SLC26A9: variants seen among roughly 807,000 people sequenced by gnomAD.
SLC26A9 encodes anion transporter/exchanger protein 9.
In SLC26A9, 46 loss-of-function variants were observed where a neutral mutation model predicts 87.1. The observed-to-expected ratio is 0.53, with a 90% CI of 0.42 to 0.67. SLC26A9 has a LOEUF of 0.67. SLC26A9 is among the 30% of genes least tolerant of loss of function. The pLI, the probability that SLC26A9 is intolerant of heterozygous loss-of-function variation, is 0.00. For missense variants in SLC26A9, 927 were observed against 1,018.3 expected (o/e 0.91, Z 1.22); for synonymous variants, 437 against 409.1 (o/e 1.07, Z -0.82).
Position 205,917,294 on chromosome 1 carries a change from C to T in SLC26A9, c.2317G>A (p.Asp773Asn), listed in dbSNP as rs143079639. The change falls in exon 20 of 21, where the codon GAC becomes AAC. Residue 773 changes from aspartate to asparagine, a missense_variant. Coordinates refer to ENST00000367135, the MANE Select transcript of SLC26A9 (RefSeq NM_052934.4). ...DSEEDIRSYWDLEQEMFGSMF... is the reference protein window; with the variant it reads ...DSEEDIRSYWNLEQEMFGSMF... ...TTCCCTCAGCTCACCTGCTCTAAGT[C>T]CCAGTAGCTGCGAATGTCCTCCTCT... The T allele has an allele frequency of 8.7e-6, 14 of 1,613,860 alleles. No homozygotes were observed. Among genetic ancestry groups the T allele is most frequent in the African/African-American group, 1.3e-5 (1 of 74,862 alleles).
chr1:205,923,403 T>C lies in SLC26A9; in HGVS notation c.1591A>G (p.Ile531Val). 6.2e-7 allele frequency: 1 copy of C among 1,614,200 alleles called. No homozygotes were observed. Among genetic ancestry groups the C allele is most frequent in the Non-Finnish European group, 8.5e-7 (1 of 1,180,034 alleles). ...TAGAGAGGGGAGCAGTACGTGATGA[T>C]TTTAATCCCCTGGATATCCTGGGCC... ...NRAQDIQGIK[I>V]ITYCSPLYFA... Residue 531 changes from isoleucine to valine, a missense_variant, in exon 15 of 21, where the codon ATC becomes GTC. Transcript: ENST00000367135.
At chr1:205,922,858 C>T (rs1323396173) in intron 16 of SLC26A9, among the ~76,000 whole-genome samples, 1 of 152,082 alleles carries the variant, frequency 6.6e-6, no homozygotes, top group Non-Finnish European at 1.5e-5. Flanking sequence ...AAGATAACGC[C>T]ATTGCACTCA....
chr1:205,918,969 G>T lies in SLC26A9; in HGVS notation c.2127C>A (p.Asp709Glu). 6.2e-7 allele frequency: 1 copy of T among 1,614,172 alleles called. No homozygotes were observed. The highest frequency in any genetic ancestry group is 8.5e-7 in the Non-Finnish European group (1 of 1,180,002). ...CCTCAAAGACGCCTCCATGGCTAAT[G>T]TCATTGTACACCTGGGCTAGAAGGA... ...LVNIHAQVYN[D>E]ISHGGVFEDG... The change falls in exon 19 of 21, where the codon GAC (aspartate) becomes GAA (glutamate). Residue 709 changes from aspartate to glutamate, a missense_variant. Physicochemically the swap from Asp to Glu is conservative, Grantham distance 45. Coordinates refer to ENST00000367135, the MANE Select transcript of SLC26A9 (RefSeq NM_052934.4).
chr1:205,926,300 C>A (rs79688078), intron 12 of SLC26A9, among the ~76,000 whole-genome samples: 1 of 152,132 alleles, frequency 6.6e-6, no homozygotes, highest in African/African-American at 2.4e-5. Flanking sequence ...AGTTAAGACA[C>A]CAAGACTGGG....
chr1:205,940,004 G>A (rs1013289830), intron 1 of SLC26A9, among the ~76,000 whole-genome samples: 1 of 152,160 alleles, frequency 6.6e-6, no homozygotes, highest in Non-Finnish European at 1.5e-5. Context: ...GAAACAAAAG[G>A]GTGACCCTGC....
intron 4 of SLC26A9, 90 bp from the exon 5 acceptor site, chr1:205,932,125 A>G: frequency 6.7e-7 from 1 of 1,488,120 alleles, no homozygotes; most frequent in Non-Finnish European, 9.2e-7. Context: ...TCCCGACCCC[A>G]GGGGGATGGA....
chr1:205,920,701 T>C (rs1209885042), intron 17 of SLC26A9, among the ~76,000 whole-genome samples: 1 of 152,180 alleles, frequency 6.6e-6, no homozygotes, highest in Non-Finnish European at 1.5e-5. Flanking sequence ...GGTTTCACCA[T>C]GTTGGCCAGG....
At chr1:205,937,299 C>T (rs921576027) in intron 1 of SLC26A9, among the ~76,000 whole-genome samples, 5 of 152,134 alleles carry the variant, frequency 3.3e-5, no homozygotes, top group South Asian at 2.1e-4. Flanking sequence ...CCCAGCCCCT[C>T]GCCTGGCCCT....
At chr1:205,928,300 G>A in intron 8 of SLC26A9, 1 of 528,488 alleles carries the variant, frequency 1.9e-6, no homozygotes. Context: ...ATGTGGTAGG[G>A]CCTCGTTTGT....
chr1:205,915,230 G>C lies in SLC26A9; in HGVS notation c.*127C>G, dbSNP rs1335291070. 1.9e-6 allele frequency: 3 copies of C among 1,602,878 alleles called. No homozygotes were observed. The highest frequency in any genetic ancestry group is 1.3e-5 in the African/African-American group (1 of 74,792). On this transcript the variant is annotated 3_prime_UTR_variant, in exon 21 of 21. Coordinates refer to ENST00000367135, the MANE Select transcript of SLC26A9 (RefSeq NM_052934.4). ...GAAGGGAGGAGAGAGGGGGAGAGGAGAGAGGAACCCAAGCTCTGGGGGATG... is the reference window on the plus strand; with the variant it reads ...GAAGGGAGGAGAGAGGGGGAGAGGACAGAGGAACCCAAGCTCTGGGGGATG...
chr1:205,935,382 C>T (rs1000909083), intron 2 of SLC26A9, among the ~76,000 whole-genome samples: 8 of 152,060 alleles, frequency 5.3e-5, no homozygotes, highest in Non-Finnish European at 1.0e-4. Context: ...CCCTCCATAA[C>T]GTAGATGCTC....
chr1:205,941,360 C>G (rs546763707), intron 1 of SLC26A9, among the ~76,000 whole-genome samples: 1 of 152,012 alleles, frequency 6.6e-6, no homozygotes, highest in Non-Finnish European at 1.5e-5. Context: ...TTAGTAGAGA[C>G]GGGGTTTCGC....
In SLC26A9 at chr1:205,913,842, A is replaced by T. The variant is rs1226131330; in HGVS notation, c.*1515T>A. 1 of 152,406 alleles carries T rather than the reference A, an allele frequency of 6.6e-6. No individual in the cohort carries two copies. The highest frequency in any genetic ancestry group is 1.5e-5 in the Non-Finnish European group (1 of 68,040). The allele number at this position is 152,406 out of a possible 1,614,324, so 9.4% of individuals were successfully genotyped here. On this transcript the variant is annotated 3_prime_UTR_variant, in exon 21 of 21. Coordinates refer to ENST00000367135, the MANE Select transcript of SLC26A9 (RefSeq NM_052934.4). Reference sequence around the variant, plus strand: ...CTCTAAGAAGACTTGTTAGCTGACCAGCTCACTCAACACACAGACACACAA... The same window carrying T: ...CTCTAAGAAGACTTGTTAGCTGACCTGCTCACTCAACACACAGACACACAA...
rs1477771726 is a variant in SLC26A9, at chr1:205,927,256, C to G, written c.1248G>C (p.Met416Ile). The G allele has an allele frequency of 6.2e-7, 1 of 1,614,006 alleles. No homozygotes were observed. Among genetic ancestry groups the G allele is most frequent in the Non-Finnish European group, 8.5e-7 (1 of 1,180,010 alleles). Residue 416 changes from methionine to isoleucine, a missense_variant, in exon 11 of 21, where the codon ATG becomes ATC. Met to Ile is a conservative substitution (Grantham distance 10). Transcript: ENST00000367135. ...AGATCCCCAGGACCAGCATGGTGAT[C>G]ATCACCACCAGAGACACACACAGGC... ...VASLCVSLVV[M>I]ITMLVLGIYL...
chr1:205,941,317 C>A (rs190592376), intron 1 of SLC26A9, among the ~76,000 whole-genome samples: 6 of 152,012 alleles, frequency 3.9e-5, no homozygotes, highest in African/African-American at 1.5e-4. Flanking sequence ...TACTGGTGCG[C>A]GCCATGACAC....
In SLC26A9 at chr1:205,915,124, G is replaced by A. The variant is rs145622737; in HGVS notation, c.*233C>T. On this transcript the variant is annotated 3_prime_UTR_variant, in exon 21 of 21. Transcript: ENST00000367135. ...GGCCAGGGCCTGACGGGTGAAGAGT[G>A]GGCTCACCAGACTCTCACTCCTGTA... is the stretch of plus-strand genomic sequence containing the variant. 5.1e-5 allele frequency: 83 copies of A among 1,613,680 alleles called. No individual in the cohort carries two copies. The highest frequency in any genetic ancestry group is 1.7e-4 in the African/African-American group (13 of 74,918).
intron 16 of SLC26A9, among the ~76,000 whole-genome samples, chr1:205,922,637 T>G (rs1658890224): frequency 6.6e-6 from 1 of 152,220 alleles, no homozygotes; most frequent in African/African-American, 2.4e-5. Flanking sequence ...GCGCAGTGGC[T>G]CAGGCTTGTA....
chr1:205,935,928 A>G (rs115556659), intron 1 of SLC26A9, 90 bp from the exon 2 acceptor site: 14,570 of 1,434,598 alleles, frequency 0.01, 147 homozygotes, highest in Middle Eastern at 0.036. Context: ...GCAGTAGCAG[A>G]GTTTTATTCT....
chr1:205,930,854 A>C (rs1160209022), intron 5 of SLC26A9, among the ~76,000 whole-genome samples: 1 of 152,074 alleles, frequency 6.6e-6, no homozygotes, highest in Non-Finnish European at 1.5e-5. Flanking sequence ...CTCCTCTTTG[A>C]GGTCCTCCGT....
Sources: gnomAD v4.1 joint callset for allele counts (sites outside exome capture counted in the v4.1 genomes callset) on GRCh38, gnomAD v4.1.1 for gene constraint, MANE v1.5 for transcripts, NCBI Gene and HGNC (gene_info 2026-07-23, HGNC 2026-07-21) for gene names.